Variants in SERHL2 observed in about 807,000 individuals in gnomAD.
SERHL2 encodes the protein serine hydrolase like 2, also known as serine hydrolase-like protein 2.
Under a neutral mutation model 25.5 loss-of-function variants are expected in SERHL2, and 29 were observed. That is an observed-to-expected ratio of 1.14 (90% CI 0.85 to 1.55). The LOEUF (loss-of-function observed/expected upper bound fraction) is 1.55. SERHL2 is among the 40% of genes most tolerant of loss of function. The pLI is 0.00. For synonymous variants in SERHL2, 95 were observed against 103.5 expected (o/e 0.92, Z 0.50); for missense variants, 240 against 252.3 (o/e 0.95, Z 0.33).
intron 10 of SERHL2, 21 bp from the exon 11 acceptor site, chr22:42,572,415 C>G: frequency 6.3e-7 from 1 of 1,586,642 alleles, no homozygotes; most frequent in Non-Finnish European, 8.6e-7. Flanking sequence ...CCCCAACAAC[C>G]CCCAACTCCT....
chr22:42,563,673 T>C lies in SERHL2; in HGVS notation c.614-2631T>C, dbSNP rs542924538. Among the ~76,000 whole-genome samples the C allele has an allele frequency of 5.1e-4, 77 of 152,064 alleles. 1 individual carries two copies. Among genetic ancestry groups the C allele is most frequent in the African/African-American group, 1.8e-3 (76 of 41,538 alleles). The stretch of plus-strand genomic sequence containing the variant: ...TGGCATGGGGGGAATTTTGAATAGA[T>C]TGCCCACATTTTATTTTTTATTATA... On this transcript the variant is annotated intron_variant, in intron 8 of 11. Coordinates refer to ENST00000327678, the MANE Select transcript of SERHL2 (RefSeq NM_014509.5).
At chr22:42,566,825 C>CT (rs1300567410) in intron 9 of SERHL2, among the ~76,000 whole-genome samples, 22 of 152,400 alleles carry the variant, frequency 1.4e-4, no homozygotes, top group African/African-American at 5.0e-4. Context: ...AGCGTCCCAT[C>CT]TGGAGGCCTG....
chr22:42,571,425 C>T (rs1301161828), intron 10 of SERHL2: 43 of 1,383,710 alleles, frequency 3.1e-5, no homozygotes, highest in Non-Finnish European at 2.7e-5. Flanking sequence ...CGGGGCTGTC[C>T]CATGCCTTTC....
intron 8 of SERHL2, among the ~76,000 whole-genome samples, chr22:42,560,804 T>C (rs192280043): frequency 7.9e-5 from 12 of 152,084 alleles, no homozygotes; most frequent in South Asian, 6.2e-4. Flanking sequence ...GGCACCATCA[T>C]GGCTCACTGC....
At chr22:42,571,426 C>T (rs1431311046) in intron 10 of SERHL2, 26 of 1,384,294 alleles carry the variant, frequency 1.9e-5, no homozygotes, top group Non-Finnish European at 2.4e-5. Flanking sequence ...GGGGCTGTCC[C>T]ATGCCTTTCC....
At chr22:42,572,989 C>T (rs9607919) in intron 11 of SERHL2, among the ~76,000 whole-genome samples, 1 of 151,856 alleles carries the variant, frequency 6.6e-6, no homozygotes, top group Non-Finnish European at 1.5e-5. Flanking sequence ...ATTTTACAGG[C>T]TCCCAAACCA....
intron 8 of SERHL2, among the ~76,000 whole-genome samples, chr22:42,563,203 T>TTTTTTTG (rs1922914466): frequency 2.6e-5 from 2 of 77,096 alleles, no homozygotes; most frequent in Non-Finnish European, 4.4e-5. Flanking sequence ...TTTTTTTTTT[T>TTTTTTTG]TTGTTGTTGT....
At chr22:42,554,234 G>T (rs868637471) in intron 1 of SERHL2, among the ~76,000 whole-genome samples, 192 bp downstream of exon 1, 1 of 152,166 alleles carries the variant, frequency 6.6e-6, no homozygotes, top group Admixed American at 6.5e-5. Context: ...ACGGCCGCAC[G>T]TGGCCTCCCA....
intron 8 of SERHL2, 34 bp downstream of exon 8, chr22:42,560,299 T>C (rs747651908): frequency 1.4e-6 from 2 of 1,478,516 alleles, no homozygotes; most frequent in South Asian, 2.3e-5. Context: ...CCATTTTATA[T>C]TTGTCACTAT....
At chr22:42,560,329 G>GACT (rs1922532605) in intron 8 of SERHL2, 64 bp downstream of exon 8, 1 of 1,290,096 alleles carries the variant, frequency 7.8e-7, no homozygotes, top group Non-Finnish European at 1.1e-6. Flanking sequence ...GGATGTCAAG[G>GACT]ACTTGCCTTA....
At chr22:42,554,092 TG>T (rs1193139437) in intron 1 of SERHL2, 50 bp downstream of exon 1, 1 of 1,604,730 alleles carries the variant, frequency 6.2e-7, no homozygotes, top group African/African-American at 1.3e-5. Flanking sequence ...CCCACCTGGT[TG>T]GGACAGTAGA....
At chr22:42,572,313 G>A in intron 10 of SERHL2, 123 bp from the exon 11 acceptor site, 3 of 652,774 alleles carry the variant, frequency 4.6e-6, no homozygotes, top group East Asian at 2.8e-5. Context: ...ACCCAGCTGT[G>A]GGAGTTGGGG....
At chr22:42,568,001 A>T (rs913902174) in intron 9 of SERHL2, among the ~76,000 whole-genome samples, 2 of 151,660 alleles carry the variant, frequency 1.3e-5, no homozygotes, top group African/African-American at 4.8e-5. Context: ...AAGTGCTGGG[A>T]TTACAGGCAT....
chr22:42,572,694 G>C, intron 11 of SERHL2, 165 bp downstream of exon 11: 2 of 984,786 alleles, frequency 2.0e-6, no homozygotes, highest in Non-Finnish European at 2.4e-6. Context: ...TCAGTCCCTA[G>C]AGGCCTAGGG....
intron 8 of SERHL2, among the ~76,000 whole-genome samples, chr22:42,563,989 C>A (rs1361219001): frequency 0.019 from 2 of 104 alleles, no homozygotes; most frequent in Non-Finnish European, 0.038. Flanking sequence ...AAGAGAATCG[C>A]TTGAACCGGG....
chr22:42,562,106 G>A (rs1922754629), intron 8 of SERHL2, among the ~76,000 whole-genome samples: 1 of 151,746 alleles, frequency 6.6e-6, no homozygotes, highest in African/African-American at 2.4e-5. Flanking sequence ...CTGGAACGTT[G>A]TGTGCAGACA....
intron 8 of SERHL2, among the ~76,000 whole-genome samples, chr22:42,565,671 T>C (rs1344706812): frequency 2.0e-5 from 3 of 151,504 alleles, no homozygotes; most frequent in South Asian, 4.2e-4. Context: ...TCCTGCTCCA[T>C]TGCCCACGCT....
At chr22:42,561,125 G>A (rs1442375594) in intron 8 of SERHL2, among the ~76,000 whole-genome samples, 1 of 151,900 alleles carries the variant, frequency 6.6e-6, no homozygotes, top group Non-Finnish European at 1.5e-5. Context: ...GCACATGAGT[G>A]GTTAGACATT....
chr22:42,573,600 T>C (rs914199158), intron 11 of SERHL2: 10 of 276,368 alleles, frequency 3.6e-5, no homozygotes, highest in South Asian at 1.8e-4. Flanking sequence ...CTGCAGGCTG[T>C]TCACGCCCCC....
Sources: gnomAD v4.1 joint callset for allele counts (sites outside exome capture counted in the v4.1 genomes callset) on GRCh38, gnomAD v4.1.1 for gene constraint, MANE v1.5 for transcripts, NCBI Gene and HGNC (gene_info 2026-07-23, HGNC 2026-07-21) for gene names.